Variants in HPSE2 observed in about 807,000 individuals in gnomAD.
HPSE2 encodes heparanase 2 (inactive), also known as inactive heparanase-2.
In HPSE2, 38 loss-of-function variants were observed where a neutral mutation model predicts 60.5. The observed-to-expected ratio is 0.63, with a 90% confidence interval of 0.48 to 0.82. HPSE2 has a LOEUF of 0.82. Among genes scored for constraint, HPSE2 ranks in the 40% least tolerant of loss-of-function variants. HPSE2 has a pLI of 0.00. For synonymous variants in HPSE2, 295 were observed against 293.2 expected (o/e 1.01, Z -0.06); for missense variants, 713 against 740.4 (o/e 0.96, Z 0.43).
chr10:98,935,475 G>T (rs1209439651), intron 3 of HPSE2, among the ~76,000 whole-genome samples: 1 of 143,660 alleles, frequency 7.0e-6, no homozygotes, highest in Admixed American at 6.9e-5. Flanking sequence ...TTTTTGTGGG[G>T]TCTTTTTTGT....
intron 9 of HPSE2, among the ~76,000 whole-genome samples, chr10:98,599,767 T>C (rs1945346411): frequency 6.6e-6 from 1 of 152,198 alleles, no homozygotes; most frequent in African/African-American, 2.4e-5. Flanking sequence ...GCTATAATAT[T>C]TCACCTGGCT....
At chr10:98,982,006 C>A (rs925347354) in intron 3 of HPSE2, among the ~76,000 whole-genome samples, 1 of 152,166 alleles carries the variant, frequency 6.6e-6, no homozygotes, top group East Asian at 1.9e-4. Context: ...AGCACTGCTT[C>A]CAAATTATTA....
intron 3 of HPSE2, among the ~76,000 whole-genome samples, chr10:98,775,027 G>A (rs897930613): frequency 6.6e-6 from 1 of 152,214 alleles, no homozygotes; most frequent in African/African-American, 2.4e-5. Flanking sequence ...TTTCTTGGAG[G>A]AATGGGGAGA....
chr10:98,802,553 G>A (rs531318008), intron 3 of HPSE2, among the ~76,000 whole-genome samples: 2 of 141,426 alleles, frequency 1.4e-5, no homozygotes, highest in East Asian at 2.1e-4. Context: ...TCCCACCTAT[G>A]AGTGAGAATA....
intron 3 of HPSE2, among the ~76,000 whole-genome samples, chr10:99,102,804 C>G (rs1844065471): frequency 6.6e-6 from 1 of 152,170 alleles, no homozygotes; most frequent in African/African-American, 2.4e-5. Flanking sequence ...GGGCTTCAAC[C>G]CTGGGATACA....
At chr10:98,660,725 T>A (rs1282537838) in intron 6 of HPSE2, among the ~76,000 whole-genome samples, 1 of 152,158 alleles carries the variant, frequency 6.6e-6, no homozygotes, top group African/African-American at 2.4e-5. Flanking sequence ...TCTGTTTCCT[T>A]TATGAGGGAT....
At position 99,128,763 on chromosome 10, in the gene HPSE2, C is replaced by T. The variant is rs188783087; in HGVS notation, c.610+15475G>A. Among the ~76,000 whole-genome samples, 77 of 152,000 alleles carry T rather than the reference C, an allele frequency of 5.1e-4. 2 individuals are homozygous for T. The highest frequency in any genetic ancestry group is 4.0e-3 in the South Asian group (19 of 4,806). On this transcript the variant is annotated intron_variant, in intron 3 of 11. Coordinates refer to ENST00000370552, the MANE Select transcript of HPSE2 (RefSeq NM_021828.5). ...AATACCTAGGTGATGGGTTGATAGG[C>T]GCAGCAAACCACCATAGCACATGTT...
chr10:99,249,309 A>C, the HPSE2 span, among the ~76,000 whole-genome samples: 1 of 152,228 alleles, frequency 6.6e-6, no homozygotes, highest in Non-Finnish European at 1.5e-5. Flanking sequence ...TGGGAGCCCA[A>C]CCCTTGCATC....
At chr10:99,122,820 TAATTATATGG>T (rs1845010046) in intron 3 of HPSE2, among the ~76,000 whole-genome samples, 1 of 152,044 alleles carries the variant, frequency 6.6e-6, no homozygotes, top group African/African-American at 2.4e-5. Flanking sequence ...TTTTGAAAAG[TAATTATATGG>T]GAATAGTCAA....
chr10:98,470,647 C>T (rs537005195), intron 11 of HPSE2, among the ~76,000 whole-genome samples: 1 of 152,358 alleles, frequency 6.6e-6, no homozygotes, highest in Non-Finnish European at 1.5e-5. Context: ...CAGAACTGCC[C>T]ACATATTCTG....
chr10:98,703,398 T>C (rs1173842967), intron 5 of HPSE2, among the ~76,000 whole-genome samples: 2 of 151,994 alleles, frequency 1.3e-5, no homozygotes, highest in Non-Finnish European at 2.9e-5. Context: ...TTCCAAACAA[T>C]TGAAAAGGAG....
intron 9 of HPSE2, among the ~76,000 whole-genome samples, chr10:98,605,875 C>T (rs1945567021): frequency 6.6e-6 from 1 of 152,166 alleles, no homozygotes; most frequent in Non-Finnish European, 1.5e-5. Context: ...CCCACTGCAG[C>T]CTTTGCAGAT....
At chr10:99,019,675 G>T (rs1410147146) in intron 3 of HPSE2, among the ~76,000 whole-genome samples, 2 of 151,764 alleles carry the variant, frequency 1.3e-5, no homozygotes, top group African/African-American at 2.4e-5. Flanking sequence ...TACAACGGCA[G>T]GTGTATTCCT....
the HPSE2 span, among the ~76,000 whole-genome samples, chr10:99,272,581 A>G: frequency 2.6e-5 from 4 of 152,154 alleles, no homozygotes; most frequent in African/African-American, 9.6e-5. Context: ...ATTGCAAGAA[A>G]AAAAAAATCC....
At position 99,103,743 on chromosome 10, in the gene HPSE2, G is replaced by C. The variant is rs1303225367; in HGVS notation, c.610+40495C>G. On this transcript the variant is annotated intron_variant, in intron 3 of 11. Coordinates refer to ENST00000370552, the MANE Select transcript of HPSE2 (RefSeq NM_021828.5). ...ACCTGACTTCAAACTATACTACAAGGCTACAGTAACCAAAACAGCATGGTA... is the reference window on the plus strand; with the variant it reads ...ACCTGACTTCAAACTATACTACAAGCCTACAGTAACCAAAACAGCATGGTA... 2.6e-5 allele frequency among the ~76,000 whole-genome samples: 4 copies of C among 152,066 alleles called. No homozygotes were observed. The South Asian group carries it at 6.2e-4, about 24-fold the overall frequency.
intron 9 of HPSE2, among the ~76,000 whole-genome samples, chr10:98,601,638 C>T (rs1016466559): frequency 3.3e-5 from 5 of 152,230 alleles, no homozygotes; most frequent in African/African-American, 1.2e-4. Flanking sequence ...AGCATGACTA[C>T]CATATAATTG....
At chr10:99,290,335 C>T in the HPSE2 span, among the ~76,000 whole-genome samples, 1 of 152,194 alleles carries the variant, frequency 6.6e-6, no homozygotes, top group Non-Finnish European at 1.5e-5. Flanking sequence ...GTACCCAACA[C>T]TATGCCTCAT....
intron 3 of HPSE2, among the ~76,000 whole-genome samples, chr10:99,049,712 T>A (rs1957945558): frequency 6.6e-6 from 1 of 152,088 alleles, no homozygotes. Context: ...ATATACCAGA[T>A]AAATAATTAT....
chr10:98,596,741 A>C (rs1945249933), intron 9 of HPSE2, among the ~76,000 whole-genome samples: 1 of 151,990 alleles, frequency 6.6e-6, no homozygotes, highest in Non-Finnish European at 1.5e-5. Context: ...GAACTCCCTT[A>C]TATGCGATTT....
Sources: gnomAD v4.1 joint callset for allele counts (sites outside exome capture counted in the v4.1 genomes callset) on GRCh38, gnomAD v4.1.1 for gene constraint, MANE v1.5 for transcripts, NCBI Gene and HGNC (gene_info 2026-07-23, HGNC 2026-07-21) for gene names.